IRAK2: variants seen among roughly 807,000 people sequenced by gnomAD.
The protein encoded by IRAK2 is interleukin 1 receptor associated kinase 2.
Under a neutral mutation model 72.0 loss-of-function variants are expected in IRAK2, and 57 were observed. The ratio of observed to expected loss-of-function variants is 0.79; its 90% confidence interval spans 0.64 to 0.99. IRAK2 has a LOEUF of 0.99. Ranked by LOEUF, IRAK2 falls within the 50% of genes least tolerant of loss-of-function variation. The pLI is 0.00. For missense variants in IRAK2, 790 were observed against 794.4 expected, an observed-to-expected ratio of 0.99 and a Z score of 0.07; for synonymous variants, 293 against 312.7, an observed-to-expected ratio of 0.94 and a Z score of 0.67.
At chr3:10,189,878 C>T (rs1396627494) in intron 2 of IRAK2, among the ~76,000 whole-genome samples, 1 of 152,058 alleles carries the variant, frequency 6.6e-6, no homozygotes, top group Non-Finnish European at 1.5e-5. Flanking sequence ...AACATGCCTA[C>T]ATCCAGACCC....
chr3:10,209,363 TG>T (rs1214489561), intron 3 of IRAK2, among the ~76,000 whole-genome samples: 1 of 152,164 alleles, frequency 6.6e-6, no homozygotes, highest in East Asian at 1.9e-4. Flanking sequence ...TGTCTCCACT[TG>T]CCAACTGGGA....
At chr3:10,200,922 A>G (rs1559445776) in intron 3 of IRAK2, among the ~76,000 whole-genome samples, 2 of 152,226 alleles carry the variant, frequency 1.3e-5, no homozygotes, top group Admixed American at 6.5e-5. Flanking sequence ...AAATCTGGCA[A>G]CAACAATGGG....
chr3:10,186,783 C>CT (rs4020034), intron 2 of IRAK2, among the ~76,000 whole-genome samples: 1,847 of 124,690 alleles, frequency 0.015, 52 homozygotes, highest in East Asian at 0.035. Flanking sequence ...TCTTTCTTTC[C>CT]TTTTTTTTTT....
intron 4 of IRAK2, among the ~76,000 whole-genome samples, chr3:10,212,776 T>TG (rs1262088258): frequency 6.7e-6 from 1 of 148,818 alleles, no homozygotes; most frequent in Non-Finnish European, 1.5e-5. Context: ...TTTTTTTTTT[T>TG]TTTTTTGAGA....
chr3:10,167,446 G>C (rs165500), intron 1 of IRAK2, among the ~76,000 whole-genome samples: 17,203 of 150,144 alleles, frequency 0.11, 1,319 homozygotes, highest in Non-Finnish European at 0.16. Flanking sequence ...ACGGAGTCTC[G>C]CTTTGTCACC....
At chr3:10,223,011 A>C (rs1225150036) in intron 9 of IRAK2, among the ~76,000 whole-genome samples, 180 bp downstream of exon 9, 4 of 152,152 alleles carry the variant, frequency 2.6e-5, no homozygotes, top group Non-Finnish European at 5.9e-5. Flanking sequence ...ATGGTCTGTG[A>C]GCTAAGGGTA....
chr3:10,193,233 C>G (rs531424156), intron 2 of IRAK2, among the ~76,000 whole-genome samples: 3 of 152,244 alleles, frequency 2.0e-5, no homozygotes, highest in Non-Finnish European at 4.4e-5. Flanking sequence ...CTGCCCCTCC[C>G]CCATTTCCTC....
chr3:10,180,183 G>T (rs1370836103), intron 2 of IRAK2, among the ~76,000 whole-genome samples: 4 of 152,054 alleles, frequency 2.6e-5, no homozygotes, highest in Non-Finnish European at 5.9e-5. Context: ...TGGGGGGTCT[G>T]GTTACCCCCA....
In IRAK2 at chr3:10,238,775, G is replaced by C. The variant is rs1489501027; in HGVS notation, c.1501G>C (p.Glu501Gln). Reference protein sequence around the residue: ...EVCGSVAAVEERLRGRETLLP... With the variant: ...EVCGSVAAVEQRLRGRETLLP... ...GTGTGGCTCTGTGGCTGCTGTGGAAGAGCGGCTCCGAGGTCGGGAGACGTT... is the reference window on the plus strand; with the variant it reads ...GTGTGGCTCTGTGGCTGCTGTGGAACAGCGGCTCCGAGGTCGGGAGACGTT... The change falls in exon 12 of 13, where the codon GAG (glutamate) becomes CAG (glutamine). Residue 501 changes from glutamate to glutamine, a missense_variant. Glu to Gln is a conservative substitution (Grantham distance 29, BLOSUM62 2). Coordinates refer to ENST00000256458, the MANE Select transcript of IRAK2 (RefSeq NM_001570.4). 55 of 1,614,028 alleles carry C rather than the reference G, an allele frequency of 3.4e-5. No individual in the cohort carries two copies. Among genetic ancestry groups the C allele is most frequent in the Non-Finnish European group, 4.6e-5 (54 of 1,180,012 alleles).
At chr3:10,226,964 A>G (rs2675489) in intron 10 of IRAK2, among the ~76,000 whole-genome samples, 33,418 of 148,342 alleles carry the variant, frequency 0.23, 5,038 homozygotes, top group East Asian at 0.66. Context: ...AAAAAAAAAA[A>G]AGATTTTGGA....
At chr3:10,209,106 C>T (rs941226132) in intron 3 of IRAK2, among the ~76,000 whole-genome samples, 5 of 152,120 alleles carry the variant, frequency 3.3e-5, no homozygotes, top group African/African-American at 1.2e-4. Flanking sequence ...GTTATGGTCT[C>T]TCCTGCCTCT....
At chr3:10,191,219 C>T (rs1419510006) in intron 2 of IRAK2, among the ~76,000 whole-genome samples, 3 of 151,270 alleles carry the variant, frequency 2.0e-5, no homozygotes, top group Non-Finnish European at 2.9e-5. Flanking sequence ...TGCTTGAACC[C>T]GGGAGGCGGA....
At chr3:10,239,906 A>G (rs778043) in intron 12 of IRAK2, among the ~76,000 whole-genome samples, 106,317 of 151,538 alleles carry the variant, frequency 0.7, 37,768 homozygotes, top group East Asian at 0.99. Context: ...CAGCACTTCC[A>G]GAGGCTGGGG....
In IRAK2 at chr3:10,200,481, G is replaced by A; in HGVS notation, c.390G>A (p.Gly130=). 4 of 1,595,796 alleles carry A rather than the reference G, an allele frequency of 2.5e-6. No individual in the cohort carries two copies. The highest frequency in any genetic ancestry group is 4.5e-5 in the East Asian group (2 of 44,408). Reference sequence around the variant, plus strand: ...AGGCTGAGGATGAACAGGAAGAGGGGCAGCCTGTGAGGATGGCCACCTTTC... The same window carrying A: ...AGGCTGAGGATGAACAGGAAGAGGGACAGCCTGTGAGGATGGCCACCTTTC... The part of the protein sequence containing the change: ...VRKAEDEQEE[G]QPVRMATFPG... The change falls in exon 3 of 13, where the codon GGG becomes GGA. Residue 130 remains glycine (G), a synonymous_variant. Transcript: ENST00000256458.
intron 3 of IRAK2, among the ~76,000 whole-genome samples, 187 bp from the exon 4 acceptor site, chr3:10,209,402 A>G (rs1472797418): frequency 1.3e-5 from 2 of 152,036 alleles, no homozygotes; most frequent in Non-Finnish European, 2.9e-5. Flanking sequence ...GTTGTAGGGG[A>G]GTCAGAGGCT....
chr3:10,171,089 G>A (rs997228139), intron 1 of IRAK2, among the ~76,000 whole-genome samples: 9 of 152,200 alleles, frequency 5.9e-5, no homozygotes, highest in Admixed American at 2.6e-4. Flanking sequence ...ATCTGGCCAC[G>A]CCTAGTTCTT....
intron 11 of IRAK2, among the ~76,000 whole-genome samples, chr3:10,237,623 T>C (rs1363777627): frequency 1.3e-5 from 2 of 151,886 alleles, no homozygotes; most frequent in East Asian, 1.9e-4. Context: ...TTGGCTAACA[T>C]GGTGAAACCC....
At chr3:10,233,644 A>T (rs116751469) in intron 10 of IRAK2, among the ~76,000 whole-genome samples, 1 of 152,110 alleles carries the variant, frequency 6.6e-6, no homozygotes, top group Non-Finnish European at 1.5e-5. Context: ...CCTACATTTG[A>T]AATGTTTGTA....
chr3:10,174,913 C>T (rs992171216), intron 1 of IRAK2, among the ~76,000 whole-genome samples: 4 of 145,766 alleles, frequency 2.7e-5, no homozygotes, highest in Non-Finnish European at 4.5e-5. Context: ...GGGCCAGGCA[C>T]AGTGGTTCAT....
Sources: gnomAD v4.1 joint callset for allele counts (sites outside exome capture counted in the v4.1 genomes callset) on GRCh38, gnomAD v4.1.1 for gene constraint, MANE v1.5 for transcripts, NCBI Gene and HGNC (gene_info 2026-07-23, HGNC 2026-07-21) for gene names.